The following LRRC4C variants were observed in gnomAD, a reference collection of about 807,000 sequenced individuals.
The protein encoded by LRRC4C is leucine rich repeat containing 4C.
In LRRC4C, 5 loss-of-function variants were observed where a neutral mutation model predicts 33.6. The ratio of observed to expected loss-of-function variants is 0.15; its 90% CI spans 0.08 to 0.31. The LOEUF (loss-of-function observed/expected upper bound fraction) is 0.31. LRRC4C is among the 10% of genes least tolerant of loss of function. LRRC4C has a pLI of 1.00. For missense variants in LRRC4C, 560 were observed against 796.7 expected, an observed-to-expected ratio of 0.70 and a Z score of 3.58; for synonymous variants, 329 against 302.0, an observed-to-expected ratio of 1.09 and a Z score of -0.93.
At chr11:40,842,404 CTTAT>C (rs1169153584) in intron 2 of LRRC4C, among the ~76,000 whole-genome samples, 2 of 151,984 alleles carry the variant, frequency 1.3e-5, no homozygotes, top group African/African-American at 4.8e-5. Context: ...ATTTGTTTTT[CTTAT>C]TTATTTTAAA....
At chr11:40,685,098 TA>T (rs1449881024) in intron 2 of LRRC4C, among the ~76,000 whole-genome samples, 1 of 152,002 alleles carries the variant, frequency 6.6e-6, no homozygotes, top group Non-Finnish European at 1.5e-5. Context: ...AAATTGTAAC[TA>T]AAACAGTGAA....
chr11:41,254,617 G>C (rs915194434), intron 1 of LRRC4C, among the ~76,000 whole-genome samples: 2 of 151,958 alleles, frequency 1.3e-5, no homozygotes, highest in Admixed American at 1.3e-4. Flanking sequence ...TCAGAAATTT[G>C]TATAACTGAC....
At chr11:41,246,455 G>T (rs1395020772) in intron 1 of LRRC4C, among the ~76,000 whole-genome samples, 1 of 152,194 alleles carries the variant, frequency 6.6e-6, no homozygotes, top group Non-Finnish European at 1.5e-5. Flanking sequence ...TGGCCCCTGA[G>T]AGTGCAGAGA....
chr11:41,421,945 GAT>G (rs1954886103), intron 1 of LRRC4C, among the ~76,000 whole-genome samples: 1 of 151,980 alleles, frequency 6.6e-6, no homozygotes, highest in South Asian at 2.1e-4. Flanking sequence ...TTTTGTCCCT[GAT>G]TGTATCTTTA....
chr11:40,415,128 G>A (rs1001732198), intron 3 of LRRC4C, among the ~76,000 whole-genome samples: 3 of 152,030 alleles, frequency 2.0e-5, no homozygotes, highest in African/African-American at 4.8e-5. Context: ...CACTGACCTC[G>A]TGCCGTTTGT....
intron 2 of LRRC4C, among the ~76,000 whole-genome samples, chr11:40,665,354 A>ATG (rs1565615216): frequency 6.9e-4 from 11 of 15,982 alleles, no homozygotes; most frequent in African/African-American, 2.0e-3. Flanking sequence ...ATATATATAT[A>ATG]TATATATATG....
chr11:41,266,336 G>C (rs1386978167), intron 1 of LRRC4C, among the ~76,000 whole-genome samples: 1 of 152,094 alleles, frequency 6.6e-6, no homozygotes, highest in Non-Finnish European at 1.5e-5. Flanking sequence ...ATCAAAACCT[G>C]CGAAATTTGA....
chr11:40,648,438 T>C (rs1435956775), intron 2 of LRRC4C, among the ~76,000 whole-genome samples, 160 bp from the exon 3 acceptor site: 1 of 152,134 alleles, frequency 6.6e-6, no homozygotes, highest in East Asian at 1.9e-4. Context: ...ATGGGAAAAA[T>C]ATTTTCTCTT....
At position 41,446,315 on chromosome 11, in the gene LRRC4C, G is replaced by A. The variant is rs142376590; in HGVS notation, c.-496+13116C>T. ...TCTCTGTAATAAACCACCTCAATAC[G>A]GAGAGACTTAAAACAAAAGTTATGC... On this transcript the variant is annotated intron_variant, in intron 1 of 6. Transcript: ENST00000528697. Among the ~76,000 whole-genome samples the A allele has an allele frequency of 3.8e-3, 575 of 152,262 alleles. 2 individuals are homozygous for A. The highest frequency in any genetic ancestry group is 0.01 in the Middle Eastern group (3 of 294).
chr11:41,271,352 C>A (rs139318333), intron 1 of LRRC4C, among the ~76,000 whole-genome samples: 95 of 152,202 alleles, frequency 6.2e-4, no homozygotes, highest in African/African-American at 2.2e-3. Flanking sequence ...GTCTATGGAA[C>A]CTAACCTCGA....
chr11:40,415,629 A>G (rs1385271455), intron 3 of LRRC4C, among the ~76,000 whole-genome samples: 1 of 152,176 alleles, frequency 6.6e-6, no homozygotes, highest in East Asian at 1.9e-4. Context: ...GGGTAATGAC[A>G]TAGAAAGAAA....
intron 3 of LRRC4C, among the ~76,000 whole-genome samples, chr11:40,584,177 C>CGTATATATATATATATATAT (rs1555109994): frequency 1.4e-5 from 1 of 71,282 alleles, no homozygotes; most frequent in African/African-American, 5.1e-5. Context: ...ACGCACACTT[C>CGTATATATATATATATATAT]ATATATATAT....
intron 1 of LRRC4C, among the ~76,000 whole-genome samples, chr11:41,218,695 C>T (rs1205009420): frequency 1.3e-5 from 2 of 150,328 alleles, no homozygotes; most frequent in Non-Finnish European, 3.0e-5. Context: ...ATAATAGATT[C>T]TATGTTGTTT....
intron 1 of LRRC4C, among the ~76,000 whole-genome samples, chr11:41,362,300 AT>A (rs769718694): frequency 6.6e-6 from 1 of 152,110 alleles, no homozygotes; most frequent in African/African-American, 2.4e-5. Context: ...AGAAAAAAAC[AT>A]TTTTTCAGTG....
At chr11:40,662,449 T>G (rs1488037993) in intron 2 of LRRC4C, among the ~76,000 whole-genome samples, 1 of 152,100 alleles carries the variant, frequency 6.6e-6, no homozygotes, top group Non-Finnish European at 1.5e-5. Flanking sequence ...AAGACAACCT[T>G]GCAGACCCTT....
rs184015902 is a variant in LRRC4C at position 40,558,774 on chromosome 11, G to A, written c.-270+89368C>T. Among the ~76,000 whole-genome samples, 229 of 152,200 alleles carry A rather than the reference G, an allele frequency of 1.5e-3. 1 individual carries two copies. The highest frequency in any genetic ancestry group is 5.3e-3 in the African/African-American group (219 of 41,514). Reference sequence around the variant, plus strand: ...TTACATGGGTAAACACGTGTCATGGGGGTTTGTTATACAGATTATTTTATC... The same window carrying A: ...TTACATGGGTAAACACGTGTCATGGAGGTTTGTTATACAGATTATTTTATC... On this transcript the variant is annotated intron_variant, in intron 3 of 6. Coordinates refer to ENST00000528697, the MANE Select transcript of LRRC4C (RefSeq NM_001258419.2).
At chr11:40,519,672 G>A (rs1044620692) in intron 3 of LRRC4C, among the ~76,000 whole-genome samples, 7 of 152,130 alleles carry the variant, frequency 4.6e-5, no homozygotes, top group African/African-American at 1.7e-4. Context: ...TATGTGCAAT[G>A]TCAATGGAAA....
chr11:40,684,388 T>C (rs1354567071), intron 2 of LRRC4C, among the ~76,000 whole-genome samples: 1 of 152,024 alleles, frequency 6.6e-6, no homozygotes, highest in East Asian at 1.9e-4. Context: ...CTGAAAGTAA[T>C]GTTAGTGAAC....
At chr11:40,579,053 G>A (rs537508518) in intron 3 of LRRC4C, among the ~76,000 whole-genome samples, 1 of 152,290 alleles carries the variant, frequency 6.6e-6, no homozygotes, top group South Asian at 2.1e-4. Flanking sequence ...AGTACAATAA[G>A]TCGGCCGGGC....
Sources: gnomAD v4.1 joint callset for allele counts (sites outside exome capture counted in the v4.1 genomes callset) on GRCh38, gnomAD v4.1.1 for gene constraint, MANE v1.5 for transcripts, NCBI Gene and HGNC (gene_info 2026-07-23, HGNC 2026-07-21) for gene names.